EHBP1: variants seen among roughly 807,000 people sequenced by gnomAD.
EHBP1 encodes EH domain binding protein 1.
In EHBP1, 55 loss-of-function variants were observed where a neutral mutation model predicts 144.0. The ratio of observed to expected loss-of-function variants is 0.38; its 90% CI spans 0.31 to 0.48. The LOEUF (loss-of-function observed/expected upper bound fraction) is 0.48. EHBP1 is among the 20% of genes least tolerant of loss of function. EHBP1 has a pLI of 0.98. For missense variants in EHBP1, 1,200 were observed against 1,364.2 expected, an observed-to-expected ratio of 0.88 and a Z score of 1.90; for synonymous variants, 469 against 472.7, an observed-to-expected ratio of 0.99 and a Z score of 0.10.
chr2:62,837,780 G>C (rs1185127076), intron 7 of EHBP1, among the ~76,000 whole-genome samples: 2 of 152,138 alleles, frequency 1.3e-5, no homozygotes, highest in Admixed American at 6.5e-5. Flanking sequence ...AATTCAAAAA[G>C]AAGAGCTAAT....
chr2:62,969,635 A>G lies in EHBP1; in HGVS notation c.2461-9553A>G, dbSNP rs758307934. 3.5e-4 allele frequency among the ~76,000 whole-genome samples: 53 copies of G among 152,188 alleles called. 1 individual carries two copies. Among genetic ancestry groups the G allele is most frequent in the South Asian group, 1.2e-3 (6 of 4,834 alleles). On this transcript the variant is annotated intron_variant, in intron 14 of 22. Coordinates refer to ENST00000431489, the MANE Select transcript of EHBP1 (RefSeq NM_001142616.3). ...CCTATGTATCTTAAACAAATCCAAA[A>G]TTTAGTAGTTACCACAAAAATAAAT... is the stretch of plus-strand genomic sequence containing the variant.
chr2:62,919,667 C>A, intron 10 of EHBP1, among the ~76,000 whole-genome samples: 1 of 151,828 alleles, frequency 6.6e-6, no homozygotes, highest in African/African-American at 2.4e-5. Flanking sequence ...GGAAAGAAAC[C>A]AAGAGGAACT....
intron 19 of EHBP1, among the ~76,000 whole-genome samples, chr2:63,014,574 A>G (rs538812460): frequency 6.6e-6 from 1 of 152,328 alleles, no homozygotes; most frequent in East Asian, 1.9e-4. Flanking sequence ...TTCTTTAGCA[A>G]TCACTGTACA....
intron 5 of EHBP1, among the ~76,000 whole-genome samples, chr2:62,797,221 A>C (rs1245568410): frequency 6.6e-6 from 1 of 152,194 alleles, no homozygotes; most frequent in Non-Finnish European, 1.5e-5. Context: ...CTTTTGTGTC[A>C]GATTACTTTG....
rs183326305 is a variant in EHBP1, at chr2:62,754,606, C to T, written c.162+7154C>T. ...CCTCCAGAGGTGGAGTCTACAGAGG[C>T]AGGCAGGCCTCCTTGAGCTGCGGTG... On this transcript the variant is annotated intron_variant, in intron 3 of 22. Transcript: ENST00000431489. 8.6e-4 allele frequency among the ~76,000 whole-genome samples: 131 copies of T among 152,340 alleles called. 2 individuals are homozygous for T. Among genetic ancestry groups the T allele is most frequent in the African/African-American group, 2.9e-3 (120 of 41,594 alleles).
At chr2:63,017,810 G>C (rs138460377) in intron 19 of EHBP1, among the ~76,000 whole-genome samples, 31 of 152,140 alleles carry the variant, frequency 2.0e-4, no homozygotes, top group African/African-American at 7.5e-4. Flanking sequence ...TGATTATTGG[G>C]AATAATCAAT....
At position 62,726,119 on chromosome 2, in the gene EHBP1, A is replaced by G. The variant is rs141207606; in HGVS notation, c.104+18824A>G. Among the ~76,000 whole-genome samples, 413 of 152,248 alleles carry G rather than the reference A, an allele frequency of 2.7e-3. 3 individuals are homozygous for G. Among genetic ancestry groups the G allele is most frequent in the Non-Finnish European group, 1.9e-3 (132 of 67,998 alleles). On this transcript the variant is annotated intron_variant, in intron 2 of 22. Transcript: ENST00000431489. ...TAAAATCTCCTATGGGAGCAAGTCAAGCCTAGGGGGATGGGCAACCCTGGC... is the reference window on the plus strand; with the variant it reads ...TAAAATCTCCTATGGGAGCAAGTCAGGCCTAGGGGGATGGGCAACCCTGGC...
chr2:62,748,420 A>G (rs1313501840), intron 3 of EHBP1, among the ~76,000 whole-genome samples: 2 of 152,092 alleles, frequency 1.3e-5, no homozygotes, highest in Non-Finnish European at 2.9e-5. Context: ...TTGGGAGGCC[A>G]AGGCAGGAGG....
At chr2:62,965,305 T>C (rs1291847586) in intron 14 of EHBP1, among the ~76,000 whole-genome samples, 1 of 152,230 alleles carries the variant, frequency 6.6e-6, no homozygotes, top group Admixed American at 6.5e-5. Flanking sequence ...GTGAAATGTT[T>C]AGCAAGTTTA....
chr2:63,017,369 T>A (rs1489761709), intron 19 of EHBP1, among the ~76,000 whole-genome samples: 2 of 152,234 alleles, frequency 1.3e-5, no homozygotes, highest in Non-Finnish European at 2.9e-5. Flanking sequence ...GTTTTGATCC[T>A]TGGTATGCTT....
At chr2:62,929,816 T>C (rs893675271) in intron 10 of EHBP1, among the ~76,000 whole-genome samples, 3 of 151,412 alleles carry the variant, frequency 2.0e-5, no homozygotes. Flanking sequence ...TAAAAAACAC[T>C]ATAAAGATTC....
chr2:62,708,872 G>A (rs568588686), intron 2 of EHBP1, among the ~76,000 whole-genome samples: 1 of 152,298 alleles, frequency 6.6e-6, no homozygotes, highest in East Asian at 1.9e-4. Context: ...AAGTAGTATA[G>A]TTTGATATTA....
At chr2:62,923,584 G>T (rs2055260128) in intron 10 of EHBP1, among the ~76,000 whole-genome samples, 1 of 152,156 alleles carries the variant, frequency 6.6e-6, no homozygotes, top group Admixed American at 6.5e-5. Flanking sequence ...CCATGCCCCA[G>T]GAGTGAGAAG....
intron 15 of EHBP1, among the ~76,000 whole-genome samples, chr2:62,979,670 A>C (rs2058873931): frequency 6.6e-6 from 1 of 152,220 alleles, no homozygotes; most frequent in South Asian, 2.1e-4. Context: ...CTAACATCTA[A>C]ATCAGCACAA....
intron 14 of EHBP1, among the ~76,000 whole-genome samples, chr2:62,971,404 A>G (rs1045875638): frequency 3.9e-5 from 6 of 152,032 alleles, no homozygotes; most frequent in Non-Finnish European, 7.4e-5. Flanking sequence ...TTTTAAGTGA[A>G]TGTAAACAAA....
At chr2:63,038,404 A>G (rs563532762) in intron 20 of EHBP1, among the ~76,000 whole-genome samples, 1 of 152,250 alleles carries the variant, frequency 6.6e-6, no homozygotes, top group East Asian at 1.9e-4. Context: ...TATTCTTTTC[A>G]TATGGAGTTT....
rs2061944580 is a variant in EHBP1 at position 63,046,044 on chromosome 2, GTT to G, written c.*548_*549del. 1 of 153,546 alleles carries G rather than the reference GTT, an allele frequency of 6.5e-6. No homozygotes were observed. The highest frequency in any genetic ancestry group is 2.4e-5 in the African/African-American group (1 of 41,548). 9.5% of individuals were successfully genotyped at this position (153,546 alleles called of 1,614,324 possible). A position where few individuals can be genotyped will look rare whatever the true frequency, so the allele number is the denominator to read the frequency against. On this transcript the variant is annotated 3_prime_UTR_variant, in exon 23 of 23. Coordinates refer to ENST00000431489, the MANE Select transcript of EHBP1 (RefSeq NM_001142616.3). ...AAACTGTGTTCTATTTACCAGTGGA[GTT>G]TTTCTGCAGTGGTTGCGTTTCACTG... is the stretch of plus-strand genomic sequence containing the variant.
chr2:62,896,689 A>C (rs1211484313), intron 10 of EHBP1, among the ~76,000 whole-genome samples: 11 of 151,742 alleles, frequency 7.2e-5, no homozygotes, highest in Non-Finnish European at 1.3e-4. Flanking sequence ...TTTAAAAAAA[A>C]AAAAAACAAA....
intron 5 of EHBP1, among the ~76,000 whole-genome samples, chr2:62,807,201 C>G (rs2044588272): frequency 6.6e-6 from 1 of 152,214 alleles, no homozygotes; most frequent in African/African-American, 2.4e-5. Flanking sequence ...GTGATCTATA[C>G]AGTGTTGCAA....
Sources: allele counts gnomAD v4.1 joint callset (sites outside exome capture counted in the v4.1 genomes callset), GRCh38; gene constraint gnomAD v4.1.1; transcripts MANE v1.5; gene names NCBI Gene and HGNC (gene_info 2026-07-23, HGNC 2026-07-21).